CFAP77: variants seen among roughly 807,000 people sequenced by gnomAD.
The protein encoded by CFAP77 is cilia and flagella associated protein 77, also known as cilia- and flagella-associated protein 77.
Under a neutral mutation model 31.1 loss-of-function variants are expected in CFAP77, and 25 were observed. That is an observed-to-expected ratio of 0.80 (90% CI 0.59 to 1.12). CFAP77 has a LOEUF of 1.12. Among genes scored for constraint, CFAP77 ranks in the 50% most tolerant of loss-of-function variants. CFAP77 has a pLI of 0.00. For synonymous variants in CFAP77, 151 were observed against 159.9 expected (o/e 0.94, Z 0.42); for missense variants, 377 against 397.3 (o/e 0.95, Z 0.44).
chr9:132,542,864 C>A, intron 4 of CFAP77, 82 bp from the exon 5 acceptor site: 1 of 1,105,396 alleles, frequency 9.0e-7, no homozygotes, highest in Non-Finnish European at 1.4e-6. Flanking sequence ...GAATCCCAGC[C>A]CTCTGTCTCT....
At chr9:132,470,854 C>T (rs1049476502) in intron 1 of CFAP77, among the ~76,000 whole-genome samples, 4 of 152,110 alleles carry the variant, frequency 2.6e-5, no homozygotes, top group Non-Finnish European at 4.4e-5. Context: ...ACTAAAAGTA[C>T]AAAAATTAGC....
At chr9:132,567,338 T>C (rs890060099) in intron 5 of CFAP77, among the ~76,000 whole-genome samples, 3 of 152,204 alleles carry the variant, frequency 2.0e-5, no homozygotes, top group African/African-American at 7.2e-5. Flanking sequence ...TTAATAAATA[T>C]TTTTTAGATG....
Position 132,564,075 on chromosome 9 carries a change from T to A in CFAP77, c.733-8313T>A, listed in dbSNP as rs532404675. ...CTCTTACAGAACCTTGTACTTCTTT[T>A]AATACACAATTCTAATTGAAGAATT... On this transcript the variant is annotated intron_variant, in intron 5 of 5. Coordinates refer to ENST00000393216, the MANE Select transcript of CFAP77 (RefSeq NM_001282957.2). The surrounding 1 kb of genome is among the most constrained non-coding windows in gnomAD (Gnocchi z 4.6). Among the ~76,000 whole-genome samples the A allele has an allele frequency of 1.3e-5, 2 of 152,348 alleles. No homozygotes were observed. Among genetic ancestry groups the A allele is most frequent in the Admixed American group, 6.5e-5 (1 of 15,308 alleles).
intron 1 of CFAP77, among the ~76,000 whole-genome samples, chr9:132,457,159 G>A (rs1245577178): frequency 1.3e-5 from 2 of 152,014 alleles, no homozygotes; most frequent in Non-Finnish European, 2.9e-5. Context: ...TGAAGATGAG[G>A]AAGATGAGGC....
Position 132,498,767 on chromosome 9 carries a change from C to T in CFAP77, c.268C>T (p.Arg90Ter), listed in dbSNP as rs145473792. The change falls in exon 2 of 6, where the codon CGA becomes TGA. Residue 90 changes from arginine (R) to a stop codon, truncating the protein, a stop_gained. Transcript: ENST00000393216. LOFTEE classifies it high-confidence loss of function. The surrounding 1 kb of genome is among the most constrained non-coding windows in gnomAD (Gnocchi z 4.2). Reference protein sequence around the residue: ...GINFNYGLYIRGLDGGVPEAI... With the variant: ...GINFNYGLYI ...TAATTTTAATTATGGACTCTACATC[C>T]GAGGGCTTGACGGAGGAGTCCCTGA... The T allele has an allele frequency of 2.7e-5, 43 of 1,610,958 alleles. No individual in the cohort carries two copies. Among genetic ancestry groups the T allele is most frequent in the African/African-American group, 2.0e-4 (15 of 74,908 alleles).
intron 3 of CFAP77, among the ~76,000 whole-genome samples, chr9:132,519,819 G>A (rs1852236100): frequency 3.3e-5 from 1 of 30,088 alleles, no homozygotes; most frequent in African/African-American, 2.9e-4. Flanking sequence ...TGGGTGGATG[G>A]ATGGATGGAT....
chr9:132,423,751 C>T (rs1461118159), intron 1 of CFAP77, among the ~76,000 whole-genome samples: 10 of 152,172 alleles, frequency 6.6e-5, no homozygotes, highest in Admixed American at 3.9e-4. Context: ...TGTCTTGAGC[C>T]CAGAAAGGCT....
chr9:132,560,324 C>T (rs1000604972), intron 5 of CFAP77, among the ~76,000 whole-genome samples: 2 of 152,188 alleles, frequency 1.3e-5, no homozygotes, highest in African/African-American at 4.8e-5. Context: ...GTGTCCTCCA[C>T]TACAACTCTC....
intron 1 of CFAP77, among the ~76,000 whole-genome samples, chr9:132,428,733 G>T (rs1447417363): frequency 6.6e-6 from 1 of 152,122 alleles, no homozygotes; most frequent in Non-Finnish European, 1.5e-5. Context: ...CCATTCTCTT[G>T]CCATCCATAG....
rs1303802276 is a variant in CFAP77, at chr9:132,517,473, G to A, written c.524+17873G>A. Reference sequence around the variant, plus strand: ...CTCTGGCTACTAAACCGAATTAGTAGTCACTGATGACCAATTATTTTAGCC... The same window carrying A: ...CTCTGGCTACTAAACCGAATTAGTAATCACTGATGACCAATTATTTTAGCC... On this transcript the variant is annotated intron_variant, in intron 3 of 5. Transcript: ENST00000393216. The surrounding 1 kb of genome is among the most constrained non-coding windows in gnomAD (Gnocchi z 4.7). 6.6e-6 allele frequency among the ~76,000 whole-genome samples: 1 copy of A among 152,208 alleles called. No individual in the cohort carries two copies. Among genetic ancestry groups the A allele is most frequent in the Non-Finnish European group, 1.5e-5 (1 of 68,046 alleles).
intron 1 of CFAP77, among the ~76,000 whole-genome samples, chr9:132,471,447 C>A (rs576129482): frequency 2.0e-5 from 3 of 151,902 alleles, no homozygotes; most frequent in African/African-American, 7.3e-5. Flanking sequence ...TTAAGGACCC[C>A]CCCCCACCGT....
chr9:132,489,175 C>G (rs182898702), intron 1 of CFAP77, among the ~76,000 whole-genome samples: 154 of 152,302 alleles, frequency 1.0e-3, no homozygotes, highest in Non-Finnish European at 1.7e-3. Flanking sequence ...ATGTGCAACA[C>G]TAAGGAGTGC....
chr9:132,500,039 G>C (rs2118965731), intron 3 of CFAP77, among the ~76,000 whole-genome samples: 1 of 151,926 alleles, frequency 6.6e-6, no homozygotes, highest in African/African-American at 2.4e-5. Flanking sequence ...TATAGTACCA[G>C]TTACTTGAGG....
At chr9:132,512,262 T>C (rs1355437429) in intron 3 of CFAP77, among the ~76,000 whole-genome samples, 1 of 152,226 alleles carries the variant, frequency 6.6e-6, no homozygotes, top group Non-Finnish European at 1.5e-5. Flanking sequence ...CCTGCATCTC[T>C]GTCTTCTCCT....
At chr9:132,478,423 A>T (rs1851387645) in intron 1 of CFAP77, among the ~76,000 whole-genome samples, 1 of 152,168 alleles carries the variant, frequency 6.6e-6, no homozygotes, top group South Asian at 2.1e-4. Context: ...CCGGGTGTGC[A>T]TTCAACCCTC....
chr9:132,525,626 A>ATG (rs145692055), intron 3 of CFAP77, among the ~76,000 whole-genome samples: 56 of 151,344 alleles, frequency 3.7e-4, no homozygotes, highest in African/African-American at 9.2e-4. Context: ...GCATGTGTGT[A>ATG]TGTGTGTGTG....
At position 132,499,043 on chromosome 9, in the gene CFAP77, C is replaced by CCG. The variant is rs1050669352; in HGVS notation, c.295+251_295+252dup. 1.1e-3 allele frequency among the ~76,000 whole-genome samples: 171 copies of CCG among 152,292 alleles called. 1 individual carries two copies. Among genetic ancestry groups the CCG allele is most frequent in the African/African-American group, 3.8e-3 (157 of 41,562 alleles). ...ATCCCCGCACCGCCCCCCTTCCCCG[C>CCG]CGCCGGCAGGGACTGTGTGCACTAT... On this transcript the variant is annotated intron_variant, in intron 2 of 5. Transcript: ENST00000393216. This position sits in a 1 kb window ranked among gnomAD's most constrained non-coding sequence, Gnocchi z 5.4.
chr9:132,482,387 T>G (rs1412395411), intron 1 of CFAP77: 1 of 1,613,950 alleles, frequency 6.2e-7, no homozygotes, highest in Admixed American at 1.7e-5. Flanking sequence ...TTCCTTCCCT[T>G]GCTGGACACC....
At chr9:132,467,005 C>T (rs1307912214) in intron 1 of CFAP77, among the ~76,000 whole-genome samples, 2 of 152,222 alleles carry the variant, frequency 1.3e-5, no homozygotes, top group Admixed American at 6.5e-5. Flanking sequence ...TGGTGAAACC[C>T]TGTCTCTATT....
Sources: allele counts gnomAD v4.1 joint callset (sites outside exome capture counted in the v4.1 genomes callset), GRCh38; gene constraint gnomAD v4.1.1; non-coding constraint Gnocchi (gnomAD v3.1); transcripts MANE v1.5; gene names NCBI Gene and HGNC (gene_info 2026-07-23, HGNC 2026-07-21).